INTS1: variants seen among roughly 807,000 people sequenced by gnomAD.
INTS1 encodes the protein integrator complex subunit 1.
INTS1 carries 137 observed loss-of-function variants against 241.6 expected under a neutral mutation model. The observed-to-expected ratio is 0.57, with a 90% CI of 0.49 to 0.65. The LOEUF (loss-of-function observed/expected upper bound fraction) is 0.65, where lower values mean the gene tolerates loss of function less well. INTS1 is among the 30% of genes least tolerant of loss of function. The pLI, the probability that INTS1 is intolerant of heterozygous loss-of-function variation, is 0.00. For synonymous variants in INTS1, 1,692 were observed against 1,337.8 expected, an observed-to-expected ratio of 1.26 and a Z score of -5.78; for missense variants, 3,073 against 3,032.2, an observed-to-expected ratio of 1.01 and a Z score of -0.32.
Position 1,498,854 on chromosome 7 carries a change from T to A in INTS1, c.1138-2A>T. The stretch of plus-strand genomic sequence containing the variant: ...CAGGTCCTGGGCCGGCCGGGTCAGC[T>A]GCGGGGCCGAGGAGGGAGCAGTGGG... On this transcript the variant is annotated splice_acceptor_variant, in intron 8 of 47. Transcript: ENST00000404767. LOFTEE classifies it high-confidence loss of function. 2 of 1,600,070 alleles carry A rather than the reference T, an allele frequency of 1.2e-6. No individual in the cohort carries two copies. Among genetic ancestry groups the A allele is most frequent in the Non-Finnish European group, 1.7e-6 (2 of 1,174,286 alleles).
chr7:1,497,302 C>G lies in INTS1; in HGVS notation c.1438G>C (p.Val480Leu), dbSNP rs367619121. ...SELAPKFLAM[V>L]FQDLLTNKDD... ...TTGTTGGTCAGCAGGTCCTGGAACA[C>G]CATGGCCAGGAACTGGGGCAGAGAG... Residue 480 changes from valine to leucine, a missense_variant, in exon 11 of 48, where the codon GTG becomes CTG. Transcript: ENST00000404767. The surrounding 1 kb of genome is among the most constrained non-coding windows in gnomAD (Gnocchi z 5.3). The G allele has an allele frequency of 6.2e-7, 1 of 1,612,492 alleles. No homozygotes were observed. The highest frequency in any genetic ancestry group is 8.5e-7 in the Non-Finnish European group (1 of 1,179,376).
At chr7:1,483,982 C>A in intron 25 of INTS1, 21 bp downstream of exon 25, 4 of 1,599,388 alleles carry the variant, frequency 2.5e-6, no homozygotes, top group Non-Finnish European at 3.4e-6. Context: ...CTCACCCGGC[C>A]GTAGACCTCC....
chr7:1,473,463 A>G (rs750343189), intron 42 of INTS1, 103 bp downstream of exon 42: 1 of 1,384,036 alleles, frequency 7.2e-7, no homozygotes, highest in Non-Finnish European at 9.9e-7. Context: ...CGGCCTCAGG[A>G]GCAGCATATC....
Position 1,481,269 on chromosome 7 carries a change from G to A in INTS1, c.3850+73C>T. 1 of 1,567,014 alleles carries A rather than the reference G, an allele frequency of 6.4e-7. No individual in the cohort carries two copies. Among genetic ancestry groups the A allele is most frequent in the Non-Finnish European group, 8.7e-7 (1 of 1,144,206 alleles). On this transcript the variant is annotated intron_variant, in intron 28 of 47. Transcript: ENST00000404767. The surrounding 1 kb of genome is among the most constrained non-coding windows in gnomAD (Gnocchi z 6.8). The stretch of plus-strand genomic sequence containing the variant: ...GGATCACCCACCCGCTCGCACCCAG[G>A]CCCCAAAAGCCTGGCCGGGCTGGGG...
intron 46 of INTS1, 38 bp downstream of exon 46, chr7:1,471,095 A>AGCGGTGGCGGCGGGACAGAGGCCG (rs1260177632): frequency 6.5e-7 from 1 of 1,539,210 alleles, no homozygotes; most frequent in Admixed American, 2.0e-5. Flanking sequence ...AGCAGGGCCC[A>AGCGGTGGCGGCGGGACAGAGGCCG]GCGGTGGCGG....
At chr7:1,502,163 T>C (rs910599353) in intron 3 of INTS1, among the ~76,000 whole-genome samples, 1 of 151,964 alleles carries the variant, frequency 6.6e-6, no homozygotes, top group African/African-American at 2.4e-5. Context: ...ACCAAAGTCA[T>C]CAGGACACTT....
At position 1,470,578 on chromosome 7, in the gene INTS1, C is replaced by T. The variant is rs561454222; in HGVS notation, c.6572G>A (p.Ter2191=). 3.2e-6 allele frequency: 5 copies of T among 1,554,776 alleles called. No individual in the cohort carries two copies. In the African/African-American group the frequency reaches 5.4e-5, roughly 17 times the overall value. The part of the protein sequence containing the change: ...LRILHMEAVM[*] ...GGAGGGGGGTCGGCTGCCACAGGCT[C>T]ACATCACGGCCTCCATATGCAGGAT... The change falls in exon 48 of 48, where the codon TGA becomes TAA. Residue 2191 remains the stop codon, a stop_retained_variant. Transcript: ENST00000404767.
chr7:1,480,298 C>T lies in INTS1; in HGVS notation c.4074+19G>A. The T allele has an allele frequency of 6.3e-7, 1 of 1,592,116 alleles. No individual in the cohort carries two copies. The highest frequency in any genetic ancestry group is 8.6e-7 in the Non-Finnish European group (1 of 1,167,302). ...AAGAGGGGCTGCAGGTGGAGACCCA[C>T]ATGCAGCAGCAACGCTACCTGGAGG... On this transcript the variant is annotated intron_variant, in intron 30 of 47. Coordinates refer to ENST00000404767, the MANE Select transcript of INTS1 (RefSeq NM_001080453.3).
chr7:1,486,978 A>G lies in INTS1; in HGVS notation c.2770T>C (p.Ser924Pro), dbSNP rs570441897. Reference protein sequence around the residue: ...LLHDAVDDAASGEEDDEGESK... With the variant: ...LLHDAVDDAAPGEEDDEGESK... The stretch of plus-strand genomic sequence containing the variant: ...TCGCCCTCGTCGTCCTCCTCCCCGG[A>G]AGCAGCATCGTCCACAGCATCGTGC... Residue 924 changes from serine to proline, a missense_variant, in exon 21 of 48, where the codon TCC (serine) becomes CCC (proline). By Grantham distance (74) the Ser-to-Pro change is moderately conservative. Coordinates refer to ENST00000404767, the MANE Select transcript of INTS1 (RefSeq NM_001080453.3). 2 of 1,608,356 alleles carry G rather than the reference A, an allele frequency of 1.2e-6. No individual in the cohort carries two copies. The highest frequency in any genetic ancestry group is 1.3e-5 in the African/African-American group (1 of 74,984).
chr7:1,476,793 C>A lies in INTS1; in HGVS notation c.5063+1G>T. Reference sequence around the variant, plus strand: ...CAGGTTGGGGACAGGGAGGCGCCCACCTCTGTTCCCGGCTCTTGCCCAGCA... The same window carrying A: ...CAGGTTGGGGACAGGGAGGCGCCCAACTCTGTTCCCGGCTCTTGCCCAGCA... On this transcript the variant is annotated splice_donor_variant, in intron 36 of 47. Coordinates refer to ENST00000404767, the MANE Select transcript of INTS1 (RefSeq NM_001080453.3). LOFTEE classifies it high-confidence loss of function. The A allele has an allele frequency of 1.9e-6, 3 of 1,612,818 alleles. No individual in the cohort carries two copies. The highest frequency in any genetic ancestry group is 2.5e-6 in the Non-Finnish European group (3 of 1,179,864).
chr7:1,490,734 T>C lies in INTS1; in HGVS notation c.2166-1052A>G, dbSNP rs138763656. 2.8e-4 allele frequency among the ~76,000 whole-genome samples: 43 copies of C among 152,218 alleles called. No homozygotes were observed. In the East Asian group the frequency reaches 7.9e-3, roughly 28 times the overall value. ...GAAACTGACAAGCTCACCCTGAAAT[T>C]CACGTGGAAATGAAAGGACCTAGAA... On this transcript the variant is annotated intron_variant, in intron 16 of 47. Coordinates refer to ENST00000404767, the MANE Select transcript of INTS1 (RefSeq NM_001080453.3).
chr7:1,480,362 G>A lies in INTS1; in HGVS notation c.4029C>T (p.Leu1343=). The change falls in exon 30 of 48, where the codon CTC becomes CTT. Residue 1343 remains leucine, a synonymous_variant. Coordinates refer to ENST00000404767, the MANE Select transcript of INTS1 (RefSeq NM_001080453.3). ...GQGRIRVGTQ[L]RVLGPEDDLA... is the part of the protein sequence containing the mutation. ...GGTCGTCCTCAGGGCCCAGCACCCG[G>A]AGCTGGGTCCCCACCCGAATCCGGC... 6.2e-7 allele frequency: 1 copy of A among 1,612,056 alleles called. No individual in the cohort carries two copies.
intron 14 of INTS1, 137 bp downstream of exon 14, chr7:1,494,678 TG>T: frequency 1.2e-6 from 1 of 807,496 alleles, no homozygotes; most frequent in Non-Finnish European, 2.0e-6. Context: ...CCCAGGATTG[TG>T]GAGGAGGAGC....
chr7:1,491,252 C>T (rs892568510), intron 16 of INTS1, among the ~76,000 whole-genome samples: 5 of 152,246 alleles, frequency 3.3e-5, no homozygotes, highest in Admixed American at 2.6e-4. Flanking sequence ...GAGCTCTGTG[C>T]TGCCCACGTG....
Position 1,497,252 on chromosome 7 carries a change from C to T in INTS1, c.1488G>A (p.Arg496=). The T allele has an allele frequency of 6.2e-7, 1 of 1,613,476 alleles. No individual in the cohort carries two copies. The highest frequency in any genetic ancestry group is 1.3e-5 in the African/African-American group (1 of 75,004). ...GCTTGATGATCTCCCGCAGCAGGGC[C>T]CGCGAGGCCCGCAGGTAGTCGTCCT... ...TNKDDYLRAS[R]ALLREIIKQT... Residue 496 remains arginine, a synonymous_variant, in exon 11 of 48, where the codon CGG becomes CGA. Coordinates refer to ENST00000404767, the MANE Select transcript of INTS1 (RefSeq NM_001080453.3). This position sits in a 1 kb window ranked among gnomAD's most constrained non-coding sequence, Gnocchi z 5.3.
At chr7:1,477,998 G>C (rs1781803832) in intron 33 of INTS1, 62 bp from the exon 34 acceptor site, 1 of 1,408,456 alleles carries the variant, frequency 7.1e-7, no homozygotes, top group Non-Finnish European at 1.0e-6. Flanking sequence ...CGCTGAGTGG[G>C]TGTGGGCTAG....
chr7:1,473,360 C>A (rs983988053), intron 42 of INTS1, among the ~76,000 whole-genome samples, 176 bp from the exon 43 acceptor site: 2 of 152,162 alleles, frequency 1.3e-5, no homozygotes, highest in African/African-American at 4.8e-5. Flanking sequence ...GGACAGAGAG[C>A]CAGAGAGCTG....
intron 26 of INTS1, 163 bp from the exon 27 acceptor site, chr7:1,482,870 G>A (rs900705763): frequency 1.2e-5 from 9 of 758,092 alleles, no homozygotes; most frequent in Admixed American, 5.5e-5. Flanking sequence ...ATGTGCGGAT[G>A]CTTTGCGTAG....
In INTS1 at chr7:1,493,217, G is replaced by A. The variant is rs114185664; in HGVS notation, c.2069-111C>T. 4,306 of 727,934 alleles carry A rather than the reference G, an allele frequency of 5.9e-3. 91 individuals carry two copies. Among genetic ancestry groups the A allele is most frequent in the African/African-American group, 0.048 (2,668 of 56,168 alleles). The allele number at this position is 727,934 out of a possible 1,614,324, so 45.1% of individuals were successfully genotyped here. A position where few individuals can be genotyped will look rare whatever the true frequency, so the allele number is the denominator to read the frequency against. ...GCGTCGGGGTGGGGTGGGGGATGCC[G>A]CAGGGTGGGGCGCAGGCCTGAGCAG... On this transcript the variant is annotated intron_variant, in intron 15 of 47. Transcript: ENST00000404767. The surrounding 1 kb of genome is among the most constrained non-coding windows in gnomAD (Gnocchi z 5.3).
Sources: gnomAD v4.1 joint callset for allele counts (sites outside exome capture counted in the v4.1 genomes callset) on GRCh38, gnomAD v4.1.1 for gene constraint, Gnocchi (gnomAD v3.1) non-coding constraint, MANE v1.5 for transcripts, NCBI Gene and HGNC (gene_info 2026-07-23, HGNC 2026-07-21) for gene names.